The following SLX4IP variants were observed in gnomAD, a reference collection of about 807,000 sequenced individuals.
SLX4IP encodes protein SLX4IP.
A neutral mutation model predicts 32.9 loss-of-function variants in SLX4IP; 34 were observed. That is an observed-to-expected ratio of 1.03 (90% CI 0.79 to 1.38). The LOEUF (loss-of-function observed/expected upper bound fraction) is 1.38, where lower values mean the gene tolerates loss of function less well. SLX4IP is among the 40% of genes most tolerant of loss of function. The pLI, the probability that SLX4IP is intolerant of heterozygous loss-of-function variation, is 0.00. For missense variants in SLX4IP, 444 were observed against 479.0 expected (o/e 0.93, Z 0.68); for synonymous variants, 172 against 171.7 (o/e 1.00, Z -0.01).
At chr20:10,585,884 C>T (rs181597178) in intron 4 of SLX4IP, among the ~76,000 whole-genome samples, 71 of 152,290 alleles carry the variant, frequency 4.7e-4, no homozygotes, top group Non-Finnish European at 5.7e-4. Context: ...AGCCACCGTG[C>T]CCAGCCACTG....
At chr20:10,543,293 A>G (rs1392189298) in intron 2 of SLX4IP, among the ~76,000 whole-genome samples, 1 of 152,224 alleles carries the variant, frequency 6.6e-6, no homozygotes, top group Non-Finnish European at 1.5e-5. Context: ...ATTAGTTACC[A>G]TGTTTGAGGG....
intron 2 of SLX4IP, among the ~76,000 whole-genome samples, chr20:10,544,409 G>A (rs2066140738): frequency 6.6e-6 from 1 of 152,106 alleles, no homozygotes; most frequent in African/African-American, 2.4e-5. Context: ...TTTGTGACAG[G>A]GTGTCCACTC....
intron 6 of SLX4IP, among the ~76,000 whole-genome samples, chr20:10,618,092 A>C (rs770834436): frequency 6.6e-6 from 1 of 152,244 alleles, no homozygotes; most frequent in African/African-American, 2.4e-5. Flanking sequence ...CCCATACAGG[A>C]ATAGGGTAAT....
chr20:10,556,754 A>G (rs150908255), intron 3 of SLX4IP, among the ~76,000 whole-genome samples: 7 of 152,290 alleles, frequency 4.6e-5, no homozygotes, highest in East Asian at 3.9e-4. Context: ...TTTATTTTCT[A>G]TCATCCTTGT....
chr20:10,514,532 G>A (rs988006366), intron 2 of SLX4IP, among the ~76,000 whole-genome samples: 7 of 152,244 alleles, frequency 4.6e-5, no homozygotes, highest in African/African-American at 1.2e-4. Flanking sequence ...CTTGTAGCAC[G>A]GAAGGATCAC....
intron 6 of SLX4IP, among the ~76,000 whole-genome samples, chr20:10,616,756 C>A (rs2067038346): frequency 6.6e-6 from 1 of 152,168 alleles, no homozygotes; most frequent in African/African-American, 2.4e-5. Flanking sequence ...CTTTCCTGAC[C>A]ACCATATCTA....
intron 4 of SLX4IP, among the ~76,000 whole-genome samples, chr20:10,580,975 C>T (rs2066579605): frequency 6.6e-6 from 1 of 152,062 alleles, no homozygotes; most frequent in Non-Finnish European, 1.5e-5. Context: ...CAAAGGTGTA[C>T]AGCCCAGACT....
chr20:10,529,590 CAAAAAAAA>C (rs71334410), intron 2 of SLX4IP, among the ~76,000 whole-genome samples: 2 of 53,642 alleles, frequency 3.7e-5, no homozygotes, highest in Non-Finnish European at 6.4e-5. Flanking sequence ...GACTCCATCT[CAAAAAAAA>C]AAAAAAAAAA....
Position 10,626,748 on chromosome 20 carries a change from G to C in SLX4IP, c.*3369G>C, listed in dbSNP as rs1243301438. The C allele has an allele frequency of 6.6e-6, 1 of 152,174 alleles. No individual in the cohort carries two copies. Among genetic ancestry groups the C allele is most frequent in the African/African-American group, 2.4e-5 (1 of 41,424 alleles). 9.4% of individuals were successfully genotyped at this position (152,174 alleles called of 1,614,324 possible). The stretch of plus-strand genomic sequence containing the variant: ...CAAAGAAGCAAACATTTGGGGGTAG[G>C]GGAGTAAGTGCTGTAGTTCTTTTGT... On this transcript the variant is annotated 3_prime_UTR_variant, in exon 8 of 8. Transcript: ENST00000334534.
intron 2 of SLX4IP, among the ~76,000 whole-genome samples, chr20:10,472,507 G>A (rs2065433940): frequency 6.6e-6 from 1 of 152,174 alleles, no homozygotes; most frequent in Non-Finnish European, 1.5e-5. Context: ...TGGGATTACA[G>A]ACGTGAACCA....
At chr20:10,613,513 C>T (rs2066991851) in intron 6 of SLX4IP, 7 of 1,608,164 alleles carry the variant, frequency 4.4e-6, no homozygotes, top group Non-Finnish European at 5.9e-6. Context: ...TCCATCTGAG[C>T]CAGAAAATTG....
intron 4 of SLX4IP, among the ~76,000 whole-genome samples, chr20:10,596,033 T>A (rs1298282628): frequency 1.3e-5 from 2 of 152,172 alleles, no homozygotes; most frequent in African/African-American, 4.8e-5. Flanking sequence ...CCTACTAATT[T>A]CAGTAACAAA....
At chr20:10,492,439 T>C (rs934105457) in intron 2 of SLX4IP, among the ~76,000 whole-genome samples, 3 of 152,250 alleles carry the variant, frequency 2.0e-5, no homozygotes, top group Admixed American at 2.0e-4. Flanking sequence ...GGGTGTGAAG[T>C]GATATCTTAC....
At chr20:10,571,178 G>A (rs1168029990) in intron 4 of SLX4IP, among the ~76,000 whole-genome samples, 1 of 152,170 alleles carries the variant, frequency 6.6e-6, no homozygotes, top group Non-Finnish European at 1.5e-5. Flanking sequence ...ACCTTGTGGA[G>A]TTGGGGGTGG....
At chr20:10,612,700 C>T (rs1348450075) in intron 6 of SLX4IP, among the ~76,000 whole-genome samples, 4 of 151,992 alleles carry the variant, frequency 2.6e-5, no homozygotes, top group East Asian at 1.9e-4. Context: ...CCACCACGCC[C>T]GGCTAATTTT....
chr20:10,512,776 CTCTATATATATATATATA>C lies in SLX4IP; in HGVS notation c.28-43453_28-43436del, dbSNP rs1183037478. 1.3e-3 allele frequency among the ~76,000 whole-genome samples: 150 copies of C among 114,738 alleles called. 5 individuals are homozygous for C. The highest frequency in any genetic ancestry group is 5.0e-3 in the African/African-American group (130 of 25,902). The allele number at this position is 114,738 out of a possible 152,430, so 75.3% of individuals were successfully genotyped here. On this transcript the variant is annotated intron_variant, in intron 2 of 7. Transcript: ENST00000334534. ...TTATGTATATATATACACACACACA[CTCTATATATATATATATA>C]TATATATATATATATATATATATAT...
chr20:10,440,136 A>ATTT (rs577778324), intron 1 of SLX4IP, among the ~76,000 whole-genome samples: 1 of 143,078 alleles, frequency 7.0e-6, no homozygotes, highest in African/African-American at 2.5e-5. Context: ...AAAAGATTGC[A>ATTT]TTTTTTTTTT....
chr20:10,619,945 G>T (rs1475759907), intron 6 of SLX4IP, among the ~76,000 whole-genome samples: 1 of 152,196 alleles, frequency 6.6e-6, no homozygotes, highest in Non-Finnish European at 1.5e-5. Context: ...GTTATAACCA[G>T]ATATGACTTT....
At chr20:10,523,273 T>C (rs1307100746) in intron 2 of SLX4IP, among the ~76,000 whole-genome samples, 1 of 152,166 alleles carries the variant, frequency 6.6e-6, no homozygotes, top group Non-Finnish European at 1.5e-5. Flanking sequence ...TTTCTCCTCC[T>C]GGTGGAAGTT....
Sources: gnomAD v4.1 joint callset for allele counts (sites outside exome capture counted in the v4.1 genomes callset) on GRCh38, gnomAD v4.1.1 for gene constraint, MANE v1.5 for transcripts, NCBI Gene and HGNC (gene_info 2026-07-23, HGNC 2026-07-21) for gene names.